The following EPB41L3 variants were observed in gnomAD, a reference collection of about 807,000 sequenced individuals.
EPB41L3 encodes band 4.1-like protein 3.
Under a neutral mutation model 127.1 loss-of-function variants are expected in EPB41L3, and 57 were observed. That is an observed-to-expected ratio of 0.45 (90% confidence interval 0.36 to 0.56). The LOEUF is 0.56. Among genes scored for constraint, EPB41L3 ranks in the 20% least tolerant of loss-of-function variants. The pLI, the probability that EPB41L3 is intolerant of heterozygous loss-of-function variation, is 0.00. For missense variants in EPB41L3, 1,273 were observed against 1,372.2 expected (o/e 0.93, Z 1.14); for synonymous variants, 572 against 549.5 (o/e 1.04, Z -0.57).
intron 18 of EPB41L3, 73 bp from the exon 19 acceptor site, chr18:5,396,405 CTT>C: frequency 6.3e-7 from 1 of 1,578,748 alleles, no homozygotes; most frequent in South Asian, 1.1e-5. Context: ...CTTTTCCTCT[CTT>C]GGTGGTTATA....
intron 3 of EPB41L3, among the ~76,000 whole-genome samples, chr18:5,591,022 A>C (rs1207161726): frequency 1.3e-5 from 2 of 152,226 alleles, no homozygotes; most frequent in African/African-American, 4.8e-5. Flanking sequence ...ACAGAAGTAC[A>C]GACATGAAGA....
At chr18:5,407,624 C>A in intron 15 of EPB41L3, 77 bp downstream of exon 15, 2 of 1,471,442 alleles carry the variant, frequency 1.4e-6, no homozygotes, top group Non-Finnish European at 1.9e-6. Flanking sequence ...AAGATCTGAA[C>A]GCTGTAGACA....
intron 3 of EPB41L3, among the ~76,000 whole-genome samples, chr18:5,468,282 C>T (rs1355548587): frequency 1.3e-5 from 2 of 152,162 alleles, no homozygotes; most frequent in East Asian, 3.9e-4. Flanking sequence ...GGCCGGCAGG[C>T]TCCTGGCAGA....
chr18:5,455,708 T>G (rs1345914469), intron 3 of EPB41L3, among the ~76,000 whole-genome samples: 1 of 151,000 alleles, frequency 6.6e-6, no homozygotes, highest in African/African-American at 2.4e-5. Flanking sequence ...AGATGTGCAC[T>G]GTGGTAGATG....
intron 3 of EPB41L3, among the ~76,000 whole-genome samples, chr18:5,597,286 A>AT (rs1309619145): frequency 6.6e-6 from 1 of 151,880 alleles, no homozygotes; most frequent in Non-Finnish European, 1.5e-5. Flanking sequence ...ATAACCTCAG[A>AT]TTTTTCTAAC....
chr18:5,395,610 T>C lies in EPB41L3; in HGVS notation c.3071A>G (p.Lys1024Arg). 6.2e-7 allele frequency: 1 copy of C among 1,613,518 alleles called. No homozygotes were observed. The highest frequency in any genetic ancestry group is 8.5e-7 in the Non-Finnish European group (1 of 1,179,498). The change falls in exon 20 of 23, where the codon AAA becomes AGA. Residue 1024 changes from lysine (K) to arginine (R), a missense_variant and splice_region_variant. Transcript: ENST00000341928. ...TSTTTTTHIT[K>R]TVKGGISETR... ...CTTCTCGGTTCTCACTCCACTTACT[T>C]TGGTGATGTGCGTAGTGGTGGTGGT...
chr18:5,545,873 CTGTGTGTGTGTGTGTGTGTGTGTG>C (rs36213569), upstream of EPB41L3, among the ~76,000 whole-genome samples: 5 of 146,974 alleles, frequency 3.4e-5, no homozygotes, highest in African/African-American at 5.0e-5. Context: ...CTGTATGACT[CTGTGTGTGTGTGTGTGTGTGTGTG>C]TGTGTGTGTG....
At chr18:5,415,697 T>C (rs749255724) in intron 13 of EPB41L3, 121 bp downstream of exon 13, 2 of 1,068,350 alleles carry the variant, frequency 1.9e-6, no homozygotes, top group Non-Finnish European at 2.7e-6. Context: ...CCTCAACATA[T>C]TGGCACAGAC....
chr18:5,580,634 A>G (rs1171659533), intron 3 of EPB41L3, among the ~76,000 whole-genome samples: 1 of 152,234 alleles, frequency 6.6e-6, no homozygotes, highest in Non-Finnish European at 1.5e-5. Flanking sequence ...ATATATAGAT[A>G]CATGCTCATG....
chr18:5,500,964 T>C (rs2091692288), intron 1 of EPB41L3, among the ~76,000 whole-genome samples: 1 of 152,004 alleles, frequency 6.6e-6, no homozygotes, highest in Non-Finnish European at 1.5e-5. Context: ...TGTAAGAACG[T>C]GTGGTGAGAA....
intron 8 of EPB41L3, among the ~76,000 whole-genome samples, chr18:5,428,991 T>G (rs1176543149): frequency 6.6e-6 from 1 of 152,212 alleles, no homozygotes; most frequent in Non-Finnish European, 1.5e-5. Context: ...GGGTTTTGGT[T>G]GTTGTTCCTT....
At chr18:5,620,388 T>C (rs1262158354) in intron 1 of EPB41L3, among the ~76,000 whole-genome samples, 1 of 152,208 alleles carries the variant, frequency 6.6e-6, no homozygotes, top group African/African-American at 2.4e-5. Flanking sequence ...GGAAAGAGTA[T>C]ACTCATCTAT....
chr18:5,417,374 G>A (rs889485837), intron 12 of EPB41L3, among the ~76,000 whole-genome samples: 3 of 152,146 alleles, frequency 2.0e-5, no homozygotes, highest in South Asian at 4.1e-4. Context: ...AAGTCTCCAC[G>A]ACCAGGGCCA....
intron 3 of EPB41L3, among the ~76,000 whole-genome samples, chr18:5,561,029 G>GCGGAC (rs2094122364): frequency 7.7e-6 from 1 of 129,148 alleles, no homozygotes; most frequent in Non-Finnish European, 1.7e-5. Flanking sequence ...CCAGGCTGGA[G>GCGGAC]TGCAGTGGCG....
chr18:5,442,111 A>G (rs985227804), intron 5 of EPB41L3, among the ~76,000 whole-genome samples: 1 of 152,202 alleles, frequency 6.6e-6, no homozygotes, highest in Admixed American at 6.5e-5. Context: ...CATTAATTAG[A>G]TGAATAAGAG....
chr18:5,589,725 CA>C (rs1428330698), intron 3 of EPB41L3, among the ~76,000 whole-genome samples: 9 of 152,220 alleles, frequency 5.9e-5, no homozygotes, highest in African/African-American at 1.2e-4. Context: ...AAAGTTACGC[CA>C]GTCCTCATAA....
upstream of EPB41L3, among the ~76,000 whole-genome samples, chr18:5,629,630 G>A (rs960184192): frequency 6.6e-6 from 1 of 152,300 alleles, no homozygotes; most frequent in African/African-American, 2.4e-5. Context: ...GGGCGAGCAA[G>A]GTCTAGCTTC....
intron 19 of EPB41L3, 84 bp downstream of exon 19, chr18:5,396,110 AATTAAAT>A: frequency 2.0e-6 from 3 of 1,481,688 alleles, no homozygotes; most frequent in Non-Finnish European, 2.8e-6. Context: ...AAGTCTCATG[AATTAAAT>A]ATCGTGCAGT....
intron 3 of EPB41L3, among the ~76,000 whole-genome samples, chr18:5,471,954 G>A (rs913505544): frequency 4.6e-5 from 7 of 152,086 alleles, no homozygotes; most frequent in Admixed American, 2.0e-4. Context: ...TCGAACGCAC[G>A]TAGGCACTCA....
Sources: gnomAD v4.1 joint callset for allele counts (sites outside exome capture counted in the v4.1 genomes callset) on GRCh38, gnomAD v4.1.1 for gene constraint, MANE v1.5 for transcripts, NCBI Gene and HGNC (gene_info 2026-07-23, HGNC 2026-07-21) for gene names.